Variants in ZFP90 observed in about 807,000 individuals in gnomAD.
ZFP90 encodes the protein ZFP90 zinc finger protein.
ZFP90 carries 38 observed loss-of-function variants against 60.8 expected under a neutral mutation model. The ratio of observed to expected loss-of-function variants is 0.62; its 90% CI spans 0.48 to 0.82. The LOEUF (loss-of-function observed/expected upper bound fraction) is 0.82, where lower values mean the gene tolerates loss of function less well. ZFP90 is among the 40% of genes least tolerant of loss of function. The pLI is 0.00. For synonymous variants in ZFP90, 287 were observed against 264.8 expected (o/e 1.08, Z -0.82); for missense variants, 711 against 759.1 (o/e 0.94, Z 0.74).
chr16:68,545,034 C>T (rs904661797), intron 2 of ZFP90, among the ~76,000 whole-genome samples: 1 of 151,860 alleles, frequency 6.6e-6, no homozygotes, highest in Admixed American at 6.6e-5. Flanking sequence ...CACGTGCCAC[C>T]ATGCCCAGCT....
downstream of ZFP90, among the ~76,000 whole-genome samples, chr16:68,570,262 CT>C (rs1190470868): frequency 2.0e-5 from 3 of 152,112 alleles, no homozygotes; most frequent in Non-Finnish European, 4.4e-5. Flanking sequence ...ATCCAGTGGT[CT>C]TTTTCAGTCC....
rs2091533056 is a variant in ZFP90, at chr16:68,566,661, C to T, written c.*1963C>T. Reference sequence around the variant, plus strand: ...TATGGTGCACCATGATTAGCTCACACACAATGCCAAGGCTGTGCTTCTATT... The same window carrying T: ...TATGGTGCACCATGATTAGCTCACATACAATGCCAAGGCTGTGCTTCTATT... On this transcript the variant is annotated 3_prime_UTR_variant, in exon 5 of 5. Coordinates refer to ENST00000563169, the MANE Select transcript of ZFP90 (RefSeq NM_001305203.2). 3 of 985,590 alleles carry T rather than the reference C, an allele frequency of 3.0e-6. No homozygotes were observed. The highest frequency in any genetic ancestry group is 3.6e-6 in the Non-Finnish European group (3 of 829,946). 61.1% of individuals were successfully genotyped at this position (985,590 alleles called of 1,614,324 possible).
chr16:68,555,375 C>T (rs1347707910), intron 2 of ZFP90: 1 of 152,200 alleles, frequency 6.6e-6, no homozygotes, highest in Admixed American at 6.5e-5. Flanking sequence ...TCCCCTGTTC[C>T]TGCAGGGACA....
At position 68,563,814 on chromosome 16, in the gene ZFP90, T is replaced by A. The variant is rs751809504; in HGVS notation, c.1027T>A (p.Cys343Ser). The A allele has an allele frequency of 1.2e-6, 2 of 1,614,106 alleles. No homozygotes were observed. Among genetic ancestry groups the A allele is most frequent in the Non-Finnish European group, 1.7e-6 (2 of 1,180,016 alleles). The part of the protein sequence containing the change: ...TGEKPYRCNL[C>S]GRSFRHGTSL... ...AGAGAAACCCTATCGATGTAATCTA[T>A]GTGGGAGGTCCTTTAGGCATGGCAC... Residue 343 changes from cysteine (C) to serine (S), a missense_variant, in exon 5 of 5, where the codon TGT (cysteine) becomes AGT (serine). Cys to Ser is a moderately radical substitution (Grantham distance 112, BLOSUM62 -1). This residue lies in a region of ZFP90 where 146 missense variants were observed against 201.4 expected (regional missense o/e 0.73). Transcript: ENST00000563169.
upstream of ZFP90, among the ~76,000 whole-genome samples, chr16:68,537,982 G>A (rs961329278): frequency 6.6e-6 from 1 of 151,482 alleles, no homozygotes. Context: ...GTGCAATCTC[G>A]GCTCACCACA....
In ZFP90 at chr16:68,563,126, A is replaced by G. The variant is rs563674804; in HGVS notation, c.339A>G (p.Leu113=). The change falls in exon 5 of 5, where the codon TTA becomes TTG. Residue 113 remains leucine, a synonymous_variant. Transcript: ENST00000563169. ...TATCCCACTGCACACATGATCTCTT[A>G]CATGCTACATTAGAAGACTCCTGGG... ...SEVSHCTHDL[L]HATLEDSWDV... is the part of the protein sequence containing the mutation. 1 of 1,614,204 alleles carries G rather than the reference A, an allele frequency of 6.2e-7. No homozygotes were observed. The highest frequency in any genetic ancestry group is 1.6e-4 in the Middle Eastern group (1 of 6,062).
chr16:68,571,794 A>T (rs1030434339), downstream of ZFP90, among the ~76,000 whole-genome samples: 2 of 98,588 alleles, frequency 2.0e-5, no homozygotes, highest in East Asian at 8.1e-4. Flanking sequence ...GAAATAATAA[A>T]AAATTGTTAA....
chr16:68,543,718 G>A (rs191077783), intron 2 of ZFP90, among the ~76,000 whole-genome samples: 2 of 151,868 alleles, frequency 1.3e-5, no homozygotes, highest in South Asian at 2.1e-4. Flanking sequence ...GTGTCACCAC[G>A]CCCAGCTAAT....
Position 68,563,068 on chromosome 16 carries a change from A to T in ZFP90, c.281A>T (p.Lys94Ile), listed in dbSNP as rs938417922. 3.5e-5 allele frequency: 56 copies of T among 1,614,070 alleles called. No homozygotes were observed. Among genetic ancestry groups the T allele is most frequent in the South Asian group, 4.4e-5 (4 of 91,084 alleles). The change falls in exon 5 of 5, where the codon AAA becomes ATA. Residue 94 changes from lysine (K) to isoleucine (I), a missense_variant. Transcript: ENST00000563169. ...YPDWKTRPEV[K>I]SSHLQQDVSE... ...GACTGGAAGACCAGGCCTGAAGTCAAATCATCACATTTGCAGCAGGATGTA... is the reference window on the plus strand; with the variant it reads ...GACTGGAAGACCAGGCCTGAAGTCATATCATCACATTTGCAGCAGGATGTA...
chr16:68,539,819 G>C lies in ZFP90; in HGVS notation c.27G>C (p.Ala9=). The change falls in exon 2 of 5, where the codon GCG becomes GCC. Residue 9 remains alanine, a synonymous_variant. Transcript: ENST00000563169. MAPRPPTA[A]PQESVTFKDV... is the part of the protein sequence containing the mutation. ...TGGCCCCGAGGCCTCCGACCGCCGC[G>C]CCCCAGGTGAGCAACGCGTTCCTAA... 1 of 1,605,758 alleles carries C rather than the reference G, an allele frequency of 6.2e-7. No individual in the cohort carries two copies. The highest frequency in any genetic ancestry group is 8.5e-7 in the Non-Finnish European group (1 of 1,177,718).
rs777105339 is a variant in ZFP90, at chr16:68,563,155, T to G, written c.368T>G (p.Val123Gly). Reference protein sequence around the residue: ...LHATLEDSWDVSSQLDRQQEN... With the variant: ...LHATLEDSWDGSSQLDRQQEN... The stretch of plus-strand genomic sequence containing the variant: ...GCTACATTAGAAGACTCCTGGGATG[T>G]TAGCAGCCAGTTAGACAGGCAACAG... Residue 123 changes from valine to glycine, a missense_variant, in exon 5 of 5, where the codon GTT (valine) becomes GGT (glycine). Coordinates refer to ENST00000563169, the MANE Select transcript of ZFP90 (RefSeq NM_001305203.2). 3.7e-6 allele frequency: 6 copies of G among 1,614,122 alleles called. No homozygotes were observed. Among genetic ancestry groups the G allele is most frequent in the South Asian group, 1.1e-5 (1 of 91,080 alleles).
chr16:68,539,543 C>T (rs1567391434), intron 1 of ZFP90, 64 bp downstream of exon 1: 2 of 495,380 alleles, frequency 4.0e-6, no homozygotes, highest in Admixed American at 3.9e-5. Context: ...TCGCCCACCA[C>T]CCTGCGAAGG....
At chr16:68,538,923 C>T (rs930134356), upstream of ZFP90, among the ~76,000 whole-genome samples, 3 of 152,182 alleles carry the variant, frequency 2.0e-5, no homozygotes, top group Non-Finnish European at 4.4e-5. Context: ...GACGCTGTCT[C>T]ACTCCCTTCC....
chr16:68,563,610 A>G lies in ZFP90; in HGVS notation c.823A>G (p.Ile275Val). 1 of 1,614,224 alleles carries G rather than the reference A, an allele frequency of 6.2e-7. No individual in the cohort carries two copies. The highest frequency in any genetic ancestry group is 1.3e-5 in the African/African-American group (1 of 75,066). Reference sequence around the variant, plus strand: ...GACACAGCTTACTGAGCATCAGAGAATTCACACTGGGGAGAAACCCTTTGA... The same window carrying G: ...GACACAGCTTACTGAGCATCAGAGAGTTCACACTGGGGAGAAACCCTTTGA... ...WKTQLTEHQR[I>V]HTGEKPFECN... The change falls in exon 5 of 5, where the codon ATT (isoleucine) becomes GTT (valine). Residue 275 changes from isoleucine to valine, a missense_variant. Around this residue, in one of 5 missense-constraint regions of ZFP90, gnomAD observed 146 missense variants for 201.4 expected, o/e 0.73. Coordinates refer to ENST00000563169, the MANE Select transcript of ZFP90 (RefSeq NM_001305203.2).
At chr16:68,545,382 G>A (rs1468689873) in intron 2 of ZFP90, among the ~76,000 whole-genome samples, 1 of 151,970 alleles carries the variant, frequency 6.6e-6, no homozygotes, top group East Asian at 1.9e-4. Context: ...TACTAATATA[G>A]CACAAATTAT....
chr16:68,565,676 G>T lies in ZFP90; in HGVS notation c.*978G>T. ...CTTAAGCCTACAGTATCAGATCAATGGGAAAACAACAGAAAACTAAGAGGA... is the reference window on the plus strand; with the variant it reads ...CTTAAGCCTACAGTATCAGATCAATTGGAAAACAACAGAAAACTAAGAGGA... On this transcript the variant is annotated 3_prime_UTR_variant, in exon 5 of 5. Coordinates refer to ENST00000563169, the MANE Select transcript of ZFP90 (RefSeq NM_001305203.2). 5 of 985,366 alleles carry T rather than the reference G, an allele frequency of 5.1e-6. No individual in the cohort carries two copies. The highest frequency in any genetic ancestry group is 6.0e-6 in the Non-Finnish European group (5 of 829,904). 61.0% of individuals were successfully genotyped at this position (985,366 alleles called of 1,614,324 possible). A position where few individuals can be genotyped will look rare whatever the true frequency, so the allele number is the denominator to read the frequency against.
intron 2 of ZFP90, among the ~76,000 whole-genome samples, chr16:68,546,445 C>A (rs945772270): frequency 6.6e-6 from 1 of 152,166 alleles, no homozygotes; most frequent in African/African-American, 2.4e-5. Context: ...CGTGCAACTA[C>A]CATTCTGCTT....
chr16:68,552,321 C>G (rs1389764136), intron 2 of ZFP90, among the ~76,000 whole-genome samples: 1 of 152,146 alleles, frequency 6.6e-6, no homozygotes, highest in Non-Finnish European at 1.5e-5. Context: ...GGTGCCTGAG[C>G]CAAGGTCTTG....
intron 4 of ZFP90, chr16:68,562,838 C>G (rs776373026): frequency 5.9e-6 from 7 of 1,190,276 alleles, no homozygotes; most frequent in African/African-American, 1.5e-5. Context: ...TCCTCATTCT[C>G]TGGACTTACC....
Sources: gnomAD v4.1 joint callset for allele counts (sites outside exome capture counted in the v4.1 genomes callset) on GRCh38, gnomAD v4.1.1 for gene constraint, gnomAD v4.1.1 regional missense constraint, MANE v1.5 for transcripts, NCBI Gene and HGNC (gene_info 2026-07-23, HGNC 2026-07-21) for gene names.